The following FHL2 variants were observed in gnomAD, a reference collection of about 807,000 sequenced individuals.
FHL2 encodes the protein four and a half LIM domains protein 2.
A neutral mutation model predicts 32.7 loss-of-function variants in FHL2; 20 were observed. The ratio of observed to expected loss-of-function variants is 0.61; its 90% CI spans 0.43 to 0.89. The LOEUF is 0.89. Among genes scored for constraint, FHL2 ranks in the 40% least tolerant of loss-of-function variants. FHL2 has a pLI of 0.00. For missense variants in FHL2, 311 were observed against 358.6 expected, an observed-to-expected ratio of 0.87 and a Z score of 1.07; for synonymous variants, 123 against 128.1, an observed-to-expected ratio of 0.96 and a Z score of 0.27.
At chr2:105,427,667 A>G (rs1174311117) in intron 1 of FHL2, among the ~76,000 whole-genome samples, 2 of 152,178 alleles carry the variant, frequency 1.3e-5, no homozygotes, top group African/African-American at 4.8e-5. Flanking sequence ...CTTGTCTTGC[A>G]TGTGAAAGGA....
intron 1 of FHL2, among the ~76,000 whole-genome samples, chr2:105,427,167 AGTACATTTTTTACATCATAACCACAT>A (rs1426524147): frequency 1.3e-5 from 2 of 152,216 alleles, no homozygotes; most frequent in African/African-American, 4.8e-5. Context: ...CACACCAGGA[AGTACATTTTTTACATCATAACCACAT>A]CAATCACCCT....
intron 3 of FHL2, among the ~76,000 whole-genome samples, chr2:105,381,732 C>T (rs1156923474): frequency 2.0e-5 from 3 of 152,032 alleles, no homozygotes; most frequent in Non-Finnish European, 4.4e-5. Flanking sequence ...TTTCAGTGCT[C>T]GTTACAAACT....
In FHL2 at chr2:105,411,606, G is replaced by A. The variant is rs543187279; in HGVS notation, c.-24-25066C>T. Among the ~76,000 whole-genome samples, 7 of 143,934 alleles carry A rather than the reference G, an allele frequency of 4.9e-5. No homozygotes were observed. In the East Asian group the frequency reaches 6.1e-4, roughly 13 times the overall value. The allele number at this position is 143,934 out of a possible 152,430, so 94.4% of individuals were successfully genotyped here. A position where few individuals can be genotyped will look rare whatever the true frequency, so the allele number is the denominator to read the frequency against. ...ATGGTTCCCAGCACTTTGGTAGGCC[G>A]AGGCGGGCGGATCACTTGAGGTCAG... On this transcript the variant is annotated intron_variant, in intron 1 of 5. Transcript: ENST00000393352.
intron 2 of FHL2, among the ~76,000 whole-genome samples, chr2:105,387,876 T>C (rs989565687): frequency 6.6e-6 from 1 of 152,084 alleles, no homozygotes. Flanking sequence ...CGATGACAGA[T>C]TGGATAAAGA....
At position 105,386,437 on chromosome 2, in the gene FHL2, T is replaced by C; in HGVS notation, c.80A>G (p.Tyr27Cys). 1 of 1,614,230 alleles carries C rather than the reference T, an allele frequency of 6.2e-7. No individual in the cohort carries two copies. The highest frequency in any genetic ancestry group is 1.6e-4 in the Middle Eastern group (1 of 6,062). ...CAGGGTCTCAAAGCACACCACGCAG[T>C]AGGGGCTCTCCTCCCGCAGGATGTA... Reference protein sequence around the residue: ...KKYILREESPYCVVCFETLFA... With the variant: ...KKYILREESPCCVVCFETLFA... The change falls in exon 3 of 7, where the codon TAC (tyrosine) becomes TGC (cysteine). Residue 27 changes from tyrosine (Y) to cysteine (C), a missense_variant. By Grantham distance (194) the Tyr-to-Cys change is radical. Transcript: ENST00000530340.
At chr2:105,373,123 TCA>T in intron 4 of FHL2, among the ~76,000 whole-genome samples, 1 of 152,268 alleles carries the variant, frequency 6.6e-6, no homozygotes, top group South Asian at 2.1e-4. Flanking sequence ...GCACCTCGGC[TCA>T]CACCCTACGA....
intron 1 of FHL2, among the ~76,000 whole-genome samples, chr2:105,409,419 G>T (rs1265869558): frequency 1.3e-5 from 2 of 152,150 alleles, no homozygotes; most frequent in East Asian, 3.8e-4. Context: ...TTCTAAGTAG[G>T]CCCTGGCATT....
chr2:105,399,467 G>C, upstream of FHL2: 1 of 1,536,188 alleles, frequency 6.5e-7, no homozygotes. Flanking sequence ...CATGTGCCTG[G>C]GATATATTTG....
chr2:105,370,208 A>AAC (rs1680936120), intron 4 of FHL2, among the ~76,000 whole-genome samples: 1 of 150,614 alleles, frequency 6.6e-6, no homozygotes, highest in South Asian at 2.1e-4. Flanking sequence ...CCCTGTCTCT[A>AAC]CCCCCCCAAA....
intron 1 of FHL2, among the ~76,000 whole-genome samples, chr2:105,434,978 C>A (rs183547065): frequency 1.3e-5 from 2 of 151,928 alleles, no homozygotes; most frequent in Non-Finnish European, 2.9e-5. Flanking sequence ...TTTTGCATTA[C>A]GAAAACTTTC....
chr2:105,428,225 T>A lies in FHL2; in HGVS notation c.-25+10174A>T, dbSNP rs555995664. On this transcript the variant is annotated intron_variant, in intron 1 of 5. Coordinates refer to the FHL2 transcript ENST00000393352. ...AGGCCCTGAGCCACCCCCAAGTGAG[T>A]GGAGGTATGCGTATATGTGTAAGGG... Among the ~76,000 whole-genome samples the A allele has an allele frequency of 9.9e-5, 15 of 152,052 alleles. 1 individual carries two copies. In the South Asian group the frequency reaches 2.1e-3, roughly 21 times the overall value.
intron 1 of FHL2, among the ~76,000 whole-genome samples, chr2:105,416,122 T>C (rs1447680692): frequency 6.6e-6 from 1 of 152,224 alleles, no homozygotes; most frequent in Non-Finnish European, 1.5e-5. Context: ...ATATCTATTA[T>C]ATTTACTGCA....
intron 1 of FHL2, among the ~76,000 whole-genome samples, chr2:105,426,833 A>G (rs1684283627): frequency 6.6e-6 from 1 of 152,218 alleles, no homozygotes; most frequent in Non-Finnish European, 1.5e-5. Flanking sequence ...GCTGAGAATT[A>G]GCCGGGTTGC....
At chr2:105,430,225 C>T (rs1684388139) in intron 1 of FHL2, among the ~76,000 whole-genome samples, 1 of 152,218 alleles carries the variant, frequency 6.6e-6, no homozygotes, top group African/African-American at 2.4e-5. Context: ...AAGTGTGGCG[C>T]TGTGGCTTGC....
intron 5 of FHL2, among the ~76,000 whole-genome samples, chr2:105,366,890 C>T (rs1052149776): frequency 2.6e-5 from 4 of 152,132 alleles, no homozygotes; most frequent in Admixed American, 6.5e-5. Context: ...GGACTACAGG[C>T]GTGTGCCACC....
chr2:105,359,704 G>T (rs1199402484), downstream of FHL2: 3 of 152,146 alleles, frequency 2.0e-5, no homozygotes, highest in Admixed American at 2.0e-4. Flanking sequence ...TATTTTTACT[G>T]TAATGACTGT....
At chr2:105,402,066 C>T (rs1683482221), upstream of FHL2, among the ~76,000 whole-genome samples, 1 of 147,304 alleles carries the variant, frequency 6.8e-6, no homozygotes, top group Non-Finnish European at 1.5e-5. Flanking sequence ...TATGTATGTA[C>T]ATATACATGT....
chr2:105,415,989 A>G (rs1196946196), intron 1 of FHL2, among the ~76,000 whole-genome samples: 1 of 152,216 alleles, frequency 6.6e-6, no homozygotes, highest in African/African-American at 2.4e-5. Context: ...TATTCAATCA[A>G]TTTCAAGTTT....
At chr2:105,413,510 G>C (rs1313507135) in intron 1 of FHL2, among the ~76,000 whole-genome samples, 1 of 152,076 alleles carries the variant, frequency 6.6e-6, no homozygotes, top group Admixed American at 6.5e-5. Flanking sequence ...TAGAGGCAGG[G>C]TTACCCGGGC....
Sources: allele counts gnomAD v4.1 joint callset (sites outside exome capture counted in the v4.1 genomes callset), GRCh38; gene constraint gnomAD v4.1.1; transcripts MANE v1.5; gene names NCBI Gene and HGNC (gene_info 2026-07-23, HGNC 2026-07-21).